CIC: variants seen among roughly 807,000 people sequenced by gnomAD.
The protein encoded by CIC is protein capicua homolog.
CIC carries 18 observed loss-of-function variants against 115.7 expected under a neutral mutation model. That is an observed-to-expected ratio of 0.16 (90% CI 0.11 to 0.23). CIC has a LOEUF of 0.23. Among genes scored for constraint, CIC ranks in the 10% least tolerant of loss-of-function variants. The pLI is 1.00. For missense variants in CIC, 2,000 were observed against 2,159.3 expected, an observed-to-expected ratio of 0.93 and a Z score of 1.46; for synonymous variants, 1,076 against 923.0, an observed-to-expected ratio of 1.17 and a Z score of -3.01.
At position 42,291,384 on chromosome 19, in the gene CIC, C is replaced by A; in HGVS notation, c.5343C>A (p.Thr1781=). The A allele has an allele frequency of 6.2e-7, 1 of 1,612,596 alleles. No homozygotes were observed. The highest frequency in any genetic ancestry group is 2.2e-5 in the East Asian group (1 of 44,880). The change falls in exon 11 of 21, where the codon ACC becomes ACA. Residue 1781 remains threonine (T), a synonymous_variant. Coordinates refer to ENST00000681038, the MANE Select transcript of CIC (RefSeq NM_001386298.1). The part of the protein sequence containing the change: ...IRFTLPPGTS[T]NGKVLAATAP... Reference sequence around the variant, plus strand: ...TCACCCTCCCACCGGGCACTTCCACCAACGGCAAAGTCCTGGCTGCCACTG... The same window carrying A: ...TCACCCTCCCACCGGGCACTTCCACAAACGGCAAAGTCCTGGCTGCCACTG...
At position 42,289,198 on chromosome 19, in the gene CIC, A is replaced by G. The variant is rs1204301988; in HGVS notation, c.3879A>G (p.Ala1293=). The change falls in exon 9 of 21, where the codon GCA becomes GCG. Residue 1293 remains alanine, a synonymous_variant. Transcript: ENST00000681038. ...TCCTGCAGATGGTGTCTGGCCCTGCATCGTACTCTGGCCCAAAGCCTTCTA... is the reference window on the plus strand; with the variant it reads ...TCCTGCAGATGGTGTCTGGCCCTGCGTCGTACTCTGGCCCAAAGCCTTCTA... ...QELTQMVSGP[A]SYSGPKPSTQ... is the part of the protein sequence containing the mutation. 16 of 1,613,152 alleles carry G rather than the reference A, an allele frequency of 9.9e-6. No homozygotes were observed. The highest frequency in any genetic ancestry group is 2.2e-5 in the East Asian group (1 of 44,896).
chr19:42,274,898 C>T (rs188255848), intron 2 of CIC, among the ~76,000 whole-genome samples: 33 of 152,298 alleles, frequency 2.2e-4, no homozygotes, highest in African/African-American at 7.9e-4. Flanking sequence ...GTGGCAACAG[C>T]TTCCACATCT....
chr19:42,277,787 G>A (rs1048248430), intron 2 of CIC, among the ~76,000 whole-genome samples: 5 of 152,224 alleles, frequency 3.3e-5, no homozygotes, highest in African/African-American at 4.8e-5. Context: ...AACTTGTCCA[G>A]TGCCTATCCT....
chr19:42,288,199 T>TA (rs1319391182), intron 7 of CIC, among the ~76,000 whole-genome samples: 9 of 152,234 alleles, frequency 5.9e-5, no homozygotes, highest in Non-Finnish European at 8.8e-5. Flanking sequence ...TATCAACTGT[T>TA]GTTTAACGAG....
upstream of CIC, among the ~76,000 whole-genome samples, chr19:42,268,762 G>A (rs2036655952): frequency 6.6e-6 from 1 of 152,234 alleles, no homozygotes; most frequent in African/African-American, 2.4e-5. Context: ...GAAGACGTGA[G>A]AAGACTACGG....
chr19:42,291,190 C>A lies in CIC; in HGVS notation c.5149C>A (p.Leu1717Met). Residue 1717 changes from leucine to methionine, a missense_variant, in exon 11 of 21, where the codon CTG (leucine) becomes ATG (methionine). Physicochemically the swap from Leu to Met is conservative, Grantham distance 15. Transcript: ENST00000681038. ...AGSGPNGPVPLGILQPGALGK... is the reference protein window; with the variant it reads ...AGSGPNGPVPMGILQPGALGK... ...GAGTGGCCCCAATGGGCCAGTACCC[C>A]TGGGCATCCTGCAACCAGGTGCCCT... The A allele has an allele frequency of 6.2e-7, 1 of 1,609,978 alleles. No individual in the cohort carries two copies. Among genetic ancestry groups the A allele is most frequent in the Non-Finnish European group, 8.5e-7 (1 of 1,178,230 alleles).
rs1259572257 is a variant in CIC, at chr19:42,291,117, G to C, written c.5076G>C (p.Gln1692His). 10 of 1,609,690 alleles carry C rather than the reference G, an allele frequency of 6.2e-6. No homozygotes were observed. Among genetic ancestry groups the C allele is most frequent in the Non-Finnish European group, 8.5e-6 (10 of 1,177,028 alleles). The change falls in exon 11 of 21, where the codon CAG (glutamine) becomes CAC (histidine). Residue 1692 changes from glutamine (Q) to histidine (H), a missense_variant. By Grantham distance (24) the Gln-to-His change is conservative. Around this residue, in one of 8 missense-constraint regions of CIC, gnomAD observed 1,466 missense variants for 1,390.4 expected, o/e 1.05. Transcript: ENST00000681038. ...CCCCTGCTGTCCAGTTCATTGCCCA[G>C]GGGGCCCCTGGTGGTGGGACCACTG... ...PAPPAVQFIAQGAPGGGTTAG... is the reference protein window; with the variant it reads ...PAPPAVQFIAHGAPGGGTTAG...
intron 9 of CIC, 49 bp downstream of exon 9, chr19:42,289,455 G>A (rs1255710104): frequency 2.6e-6 from 4 of 1,540,750 alleles, no homozygotes; most frequent in Non-Finnish European, 3.5e-6. Context: ...GCAGGCCAAG[G>A]CTCAGAGGGT....
rs780045052 is a variant in CIC at position 42,290,331 on chromosome 19, T to A, written c.4290T>A (p.Pro1430=). 11 of 1,613,976 alleles carry A rather than the reference T, an allele frequency of 6.8e-6. No individual in the cohort carries two copies. The highest frequency in any genetic ancestry group is 1.3e-5 in the African/African-American group (1 of 74,894). ...DPEPPGPPDP[P]VAFGKGYGSA... ...AGCCCCCAGGGCCCCCGGATCCTCCTGTAGCCTTTGGCAAAGGCTATGGTT... is the reference window on the plus strand; with the variant it reads ...AGCCCCCAGGGCCCCCGGATCCTCCAGTAGCCTTTGGCAAAGGCTATGGTT... The change falls in exon 11 of 21, where the codon CCT becomes CCA. Residue 1430 remains proline, a synonymous_variant. Coordinates refer to ENST00000681038, the MANE Select transcript of CIC (RefSeq NM_001386298.1).
chr19:42,284,381 G>A (rs1181928062), intron 2 of CIC: 2 of 146,464 alleles, frequency 1.4e-5, no homozygotes, highest in African/African-American at 2.5e-5. Context: ...GGAGGAGGGA[G>A]AGGGAGGGGG....
At position 42,289,948 on chromosome 19, in the gene CIC, C is replaced by G. The variant is rs1463169568; in HGVS notation, c.4188C>G (p.Asn1396Lys). Reference protein sequence around the residue: ...GDSSGEDPEGNKGFGRKVFSP... With the variant: ...GDSSGEDPEGKKGFGRKVFSP... The stretch of plus-strand genomic sequence containing the variant: ...GCTCTGGGGAGGACCCAGAGGGCAA[C>G]AAGGTGAGGGCTTGGGTCACGGTGC... The change falls in exon 10 of 21, where the codon AAC becomes AAG. Residue 1396 changes from asparagine to lysine, a missense_variant. This residue lies in a region of CIC where 1,466 missense variants were observed against 1,390.4 expected (regional missense o/e 1.05). Coordinates refer to ENST00000681038, the MANE Select transcript of CIC (RefSeq NM_001386298.1). The G allele has an allele frequency of 6.2e-7, 1 of 1,602,256 alleles. No homozygotes were observed. The highest frequency in any genetic ancestry group is 1.7e-5 in the Admixed American group (1 of 58,054).
At chr19:42,278,420 C>T (rs754828807) in intron 2 of CIC, among the ~76,000 whole-genome samples, 1 of 152,244 alleles carries the variant, frequency 6.6e-6, no homozygotes, top group Admixed American at 6.5e-5. Flanking sequence ...TCTCTCTGGT[C>T]TCCTATTTCT....
At position 42,294,973 on chromosome 19, in the gene CIC, G is replaced by T; in HGVS notation, c.7336G>T (p.Val2446Leu). 6.3e-7 allele frequency: 1 copy of T among 1,599,858 alleles called. No homozygotes were observed. The highest frequency in any genetic ancestry group is 8.5e-7 in the Non-Finnish European group (1 of 1,179,800). The change falls in exon 21 of 21, where the codon GTA becomes TTA. Residue 2446 changes from valine (V) to leucine (L), a missense_variant. Physicochemically the swap from Val to Leu is conservative, Grantham distance 32. Transcript: ENST00000681038. ...QPPGAEAPLP[V>L]PPPTGTAAAP... ...CCCTGGAGCTGAGGCTCCTCTCCCT[G>T]TACCGCCCCCCACTGGCACCGCTGC...
chr19:42,277,839 G>C (rs1403831921), intron 2 of CIC, among the ~76,000 whole-genome samples: 1 of 152,214 alleles, frequency 6.6e-6, no homozygotes, highest in East Asian at 1.9e-4. Flanking sequence ...CCCATGCTGA[G>C]GTATCCAGGC....
chr19:42,289,388 G>A lies in CIC; in HGVS notation c.4069G>A (p.Gly1357Arg). 6.3e-7 allele frequency: 1 copy of A among 1,594,322 alleles called. No individual in the cohort carries two copies. Among genetic ancestry groups the A allele is most frequent in the Non-Finnish European group, 8.5e-7 (1 of 1,170,210 alleles). Residue 1357 changes from glycine (G) to arginine (R), a missense_variant, in exon 9 of 21, where the codon GGG becomes AGG. Coordinates refer to ENST00000681038, the MANE Select transcript of CIC (RefSeq NM_001386298.1). ...GCGCATGGTCATCTGTGAGGAGGAA[G>A]GGGATGATGATGTCATTGGTGAGCA... ...EERMVICEEEGDDDVIADDGF... is the reference protein window; with the variant it reads ...EERMVICEEERDDDVIADDGF...
intron 2 of CIC, chr19:42,284,467 G>A (rs1168440806): frequency 6.9e-6 from 1 of 144,626 alleles, no homozygotes; most frequent in Non-Finnish European, 1.5e-5. Context: ...GGGCCGGTGC[G>A]CGCTGACCTC....
In CIC at chr19:42,289,043, C is replaced by G. The variant is rs780297235; in HGVS notation, c.3814C>G (p.Leu1272Val). The change falls in exon 8 of 21, where the codon CTG (leucine) becomes GTG (valine). Residue 1272 changes from leucine to valine, a missense_variant. This residue lies in a region of CIC where 1,466 missense variants were observed against 1,390.4 expected (regional missense o/e 1.05). Coordinates refer to ENST00000681038, the MANE Select transcript of CIC (RefSeq NM_001386298.1). ...TTTCTCCCACAGCGGGGTACACAGC[C>G]TGGACGGCGGAGAAGTAGACAGTCA... ...RAFSHSGVHS[L>V]DGGEVDSQAL... is the part of the protein sequence containing the mutation. 3 of 1,613,796 alleles carry G rather than the reference C, an allele frequency of 1.9e-6. No individual in the cohort carries two copies. The South Asian group carries it at 3.3e-5, about 18-fold the overall frequency.
rs764115396 is a variant in CIC, at chr19:42,294,598, G to C, written c.7055-6G>C. ...AGCCTTGCCATGCTGCCTGTGCCCT[G>C]CACAGGTACAGAAGCCGAGGACGTG... is the stretch of plus-strand genomic sequence containing the variant. On this transcript the variant is annotated splice_region_variant and splice_polypyrimidine_tract_variant and intron_variant, in intron 19 of 20. Coordinates refer to ENST00000681038, the MANE Select transcript of CIC (RefSeq NM_001386298.1). 2 of 1,613,204 alleles carry C rather than the reference G, an allele frequency of 1.2e-6. No individual in the cohort carries two copies. The highest frequency in any genetic ancestry group is 1.7e-6 in the Non-Finnish European group (2 of 1,179,954).
In CIC at chr19:42,272,736, C is replaced by G; in HGVS notation, c.953C>G (p.Pro318Arg). 1 of 398,976 alleles carries G rather than the reference C, an allele frequency of 2.5e-6. No homozygotes were observed. Among genetic ancestry groups the G allele is most frequent in the Non-Finnish European group, 4.4e-6 (1 of 226,360 alleles). 24.7% of individuals were successfully genotyped at this position (398,976 alleles called of 1,614,324 possible). A position where few individuals can be genotyped will look rare whatever the true frequency, so the allele number is the denominator to read the frequency against. The change falls in exon 2 of 21, where the codon CCA becomes CGA. Residue 318 changes from proline to arginine, a missense_variant. Physicochemically the swap from Pro to Arg is moderately radical, Grantham distance 103. This residue lies in a region of CIC where 222 missense variants were observed against 247.7 expected (regional missense o/e 0.90). Transcript: ENST00000681038. ...PGLPGSLPQP[P>R]QPLHREPEEA... Reference sequence around the variant, plus strand: ...CTACCAGGCAGCCTCCCGCAGCCCCCACAGCCACTGCACCGTGAGCCAGAG... The same window carrying G: ...CTACCAGGCAGCCTCCCGCAGCCCCGACAGCCACTGCACCGTGAGCCAGAG...
Sources: gnomAD v4.1 joint callset for allele counts (sites outside exome capture counted in the v4.1 genomes callset) on GRCh38, gnomAD v4.1.1 for gene constraint, gnomAD v4.1.1 regional missense constraint, MANE v1.5 for transcripts, NCBI Gene and HGNC (gene_info 2026-07-23, HGNC 2026-07-21) for gene names.